The following TRERF1 variants were observed in gnomAD, a reference collection of about 807,000 sequenced individuals.
TRERF1 encodes transcriptional-regulating factor 1.
TRERF1 carries 27 observed loss-of-function variants against 122.9 expected under a neutral mutation model. The ratio of observed to expected loss-of-function variants is 0.22; its 90% CI spans 0.16 to 0.30. The LOEUF (loss-of-function observed/expected upper bound fraction) is 0.30. TRERF1 is among the 10% of genes least tolerant of loss of function. The probability of loss-of-function intolerance (pLI) is 1.00; values close to 1 mark genes in which losing one functional copy is unlikely to be tolerated. For synonymous variants in TRERF1, 636 were observed against 641.7 expected (o/e 0.99, Z 0.13); for missense variants, 1,248 against 1,560.3 (o/e 0.80, Z 3.37).
At chr6:42,347,761 C>T (rs963155573) in intron 3 of TRERF1, among the ~76,000 whole-genome samples, 1 of 152,170 alleles carries the variant, frequency 6.6e-6, no homozygotes, top group African/African-American at 2.4e-5. Context: ...ACAAATAAAG[C>T]AATTCGCAAA....
At chr6:42,262,084 TGCCAAA>T (rs1418814864) in intron 8 of TRERF1, among the ~76,000 whole-genome samples, 1 of 152,108 alleles carries the variant, frequency 6.6e-6, no homozygotes, top group Non-Finnish European at 1.5e-5. Flanking sequence ...CTGTTTCTCC[TGCCAAA>T]GCACGAACTT....
At chr6:42,235,971 G>A (rs1014338076) in intron 16 of TRERF1, among the ~76,000 whole-genome samples, 7 of 152,200 alleles carry the variant, frequency 4.6e-5, no homozygotes, top group African/African-American at 1.7e-4. Flanking sequence ...ACACTCCTGG[G>A]CATGGGGGCC....
At chr6:42,319,805 T>C (rs1171520045) in intron 3 of TRERF1, among the ~76,000 whole-genome samples, 1 of 105,344 alleles carries the variant, frequency 9.5e-6, no homozygotes, top group Admixed American at 8.7e-5. Flanking sequence ...AGAGTGAGAC[T>C]GTGTTTCAAA....
intron 2 of TRERF1, among the ~76,000 whole-genome samples, chr6:42,443,416 T>C (rs1786886236): frequency 6.6e-6 from 1 of 152,254 alleles, no homozygotes; most frequent in Non-Finnish European, 1.5e-5. Context: ...CTTTCCAGCA[T>C]ACACAGTAAG....
Position 42,246,568 on chromosome 6 carries a change from A to G in TRERF1, c.2657-24T>C, listed in dbSNP as rs755566392. The G allele has an allele frequency of 3.2e-5, 49 of 1,553,108 alleles. No individual in the cohort carries two copies. In the East Asian group the frequency reaches 1.0e-3, roughly 33 times the overall value. On this transcript the variant is annotated intron_variant, in intron 13 of 17. Transcript: ENST00000372922. ...ACCTACAACAAAACACAAACATCAT[A>G]AGAACAGCTCACAGTTCCCCCTGCT...
intron 2 of TRERF1, among the ~76,000 whole-genome samples, chr6:42,368,305 T>A (rs1773131903): frequency 6.6e-6 from 1 of 152,138 alleles, no homozygotes. Flanking sequence ...CTACCCCTCC[T>A]GAGTGGAGGG....
At chr6:42,362,555 GA>G (rs1220891193) in intron 3 of TRERF1, among the ~76,000 whole-genome samples, 7 of 152,240 alleles carry the variant, frequency 4.6e-5, no homozygotes, top group Non-Finnish European at 1.0e-4. Flanking sequence ...AAGGGATCAT[GA>G]GGCCAGACCT....
In TRERF1 at chr6:42,232,925, A is replaced by G. The variant is rs747171449; in HGVS notation, c.3067-33T>C. 6.5e-7 allele frequency: 1 copy of G among 1,543,248 alleles called. No individual in the cohort carries two copies. The highest frequency in any genetic ancestry group is 1.2e-5 in the South Asian group (1 of 84,732). On this transcript the variant is annotated intron_variant, in intron 16 of 17. Coordinates refer to ENST00000372922, the Ensembl canonical transcript of TRERF1. This position sits in a 1 kb window ranked among gnomAD's most constrained non-coding sequence, Gnocchi z 4.5. Reference sequence around the variant, plus strand: ...AGAAAGGGAGTGACATGACATCTACAGTCCTGAAAAGGAAATTAGGGTTAT... The same window carrying G: ...AGAAAGGGAGTGACATGACATCTACGGTCCTGAAAAGGAAATTAGGGTTAT...
At chr6:42,370,326 G>A (rs1056964925) in intron 2 of TRERF1, among the ~76,000 whole-genome samples, 13 of 152,318 alleles carry the variant, frequency 8.5e-5, no homozygotes, top group African/African-American at 3.1e-4. Context: ...AACGATATCT[G>A]AGTGGTGGGA....
At chr6:42,359,146 C>T (rs2150924606) in intron 3 of TRERF1, among the ~76,000 whole-genome samples, 1 of 152,288 alleles carries the variant, frequency 6.6e-6, no homozygotes, top group Admixed American at 6.5e-5. Context: ...GTGCTCTCCG[C>T]ACCGTTAATC....
At chr6:42,274,610 T>G (rs1261538665) in intron 4 of TRERF1, among the ~76,000 whole-genome samples, 1 of 151,550 alleles carries the variant, frequency 6.6e-6, no homozygotes, top group East Asian at 1.9e-4. Flanking sequence ...ACTTGGGAGG[T>G]CAAGGTTGCA....
intron 2 of TRERF1, among the ~76,000 whole-genome samples, chr6:42,391,028 GAAC>G (rs1218113056): frequency 6.6e-6 from 1 of 152,196 alleles, no homozygotes; most frequent in African/African-American, 2.4e-5. Flanking sequence ...ACAGAGGTCA[GAAC>G]AAAAGGGGGA....
intron 16 of TRERF1, among the ~76,000 whole-genome samples, chr6:42,235,085 T>G (rs1378356904): frequency 2.2e-5 from 3 of 133,722 alleles, no homozygotes; most frequent in East Asian, 1.9e-4. Flanking sequence ...ATCTTTTTTG[T>G]TTTTTTTTTA....
intron 3 of TRERF1, among the ~76,000 whole-genome samples, chr6:42,313,870 C>T (rs1053090000): frequency 2.0e-5 from 3 of 152,116 alleles, no homozygotes; most frequent in South Asian, 2.1e-4. Flanking sequence ...CTCACTTCTA[C>T]GTTGCCTTCT....
intron 3 of TRERF1, among the ~76,000 whole-genome samples, chr6:42,325,757 C>A (rs1269655914): frequency 6.6e-6 from 1 of 152,076 alleles, no homozygotes; most frequent in Non-Finnish European, 1.5e-5. Flanking sequence ...CACCTGTAGT[C>A]CCAGCTACTC....
chr6:42,281,264 C>T (rs73428830), intron 4 of TRERF1, among the ~76,000 whole-genome samples: 8,573 of 152,166 alleles, frequency 0.056, 299 homozygotes, highest in African/African-American at 0.096. Context: ...GACAGAAATG[C>T]GGCCCCGGAG....
At chr6:42,435,682 A>G (rs1393711335) in intron 2 of TRERF1, among the ~76,000 whole-genome samples, 2 of 152,156 alleles carry the variant, frequency 1.3e-5, no homozygotes, top group African/African-American at 4.8e-5. Context: ...GACTAGTTAA[A>G]TAAGTTATGG....
intron 2 of TRERF1, among the ~76,000 whole-genome samples, chr6:42,386,018 A>G (rs985481601): frequency 1.3e-5 from 2 of 152,190 alleles, no homozygotes; most frequent in African/African-American, 4.8e-5. Context: ...CCTATGCAGA[A>G]TAACAATTCA....
intron 4 of TRERF1, among the ~76,000 whole-genome samples, chr6:42,290,818 G>A (rs1420769688): frequency 2.7e-5 from 4 of 145,702 alleles, no homozygotes; most frequent in Non-Finnish European, 3.0e-5. Flanking sequence ...CCTGGGATGG[G>A]GAAATCAGTG....
Sources: allele counts gnomAD v4.1 joint callset (sites outside exome capture counted in the v4.1 genomes callset), GRCh38; gene constraint gnomAD v4.1.1; non-coding constraint Gnocchi (gnomAD v3.1); transcripts MANE v1.5; gene names NCBI Gene and HGNC (gene_info 2026-07-23, HGNC 2026-07-21).